Variants in HDLBP observed in about 807,000 individuals in gnomAD.
HDLBP encodes high density lipoprotein binding protein, also known as vigilin.
A neutral mutation model predicts 137.3 loss-of-function variants in HDLBP; 30 were observed. The ratio of observed to expected loss-of-function variants is 0.22; its 90% confidence interval spans 0.16 to 0.30. The LOEUF is 0.30. Ranked by LOEUF, HDLBP falls within the 10% of genes least tolerant of loss-of-function variation. The pLI is 1.00. For missense variants in HDLBP, 1,119 were observed against 1,667.3 expected (o/e 0.67, Z 5.73); for synonymous variants, 606 against 596.0 (o/e 1.02, Z -0.24).
chr2:241,306,674 G>A (rs1575059388), intron 1 of HDLBP, among the ~76,000 whole-genome samples: 2 of 152,010 alleles, frequency 1.3e-5, no homozygotes, highest in African/African-American at 2.4e-5. Context: ...TTGGGAGGCC[G>A]AGGCTGGCAG....
intron 3 of HDLBP, among the ~76,000 whole-genome samples, chr2:241,264,844 G>A (rs1234210292): frequency 3.3e-5 from 5 of 152,032 alleles, no homozygotes; most frequent in African/African-American, 9.7e-5. Flanking sequence ...CTCTGACAGC[G>A]AACCTACCCC....
intron 8 of HDLBP, 79 bp from the exon 9 acceptor site, chr2:241,255,237 G>A (rs2072522258): frequency 1.4e-6 from 2 of 1,459,448 alleles, no homozygotes; most frequent in Non-Finnish European, 1.9e-6. Flanking sequence ...CTCACCTGGG[G>A]CTCAGAGGCA....
At chr2:241,286,366 T>C (rs1260116337) in intron 1 of HDLBP, among the ~76,000 whole-genome samples, 1 of 152,190 alleles carries the variant, frequency 6.6e-6, no homozygotes, top group Non-Finnish European at 1.5e-5. Flanking sequence ...TGCTTCCCAT[T>C]CTCTTCAAAG....
chr2:241,271,033 A>G, intron 1 of HDLBP: 1 of 985,406 alleles, frequency 1.0e-6, no homozygotes, highest in Non-Finnish European at 1.2e-6. Context: ...GCATGGCTGT[A>G]AACGCTCCAC....
chr2:241,259,339 A>C (rs371675988), intron 5 of HDLBP, among the ~76,000 whole-genome samples: 51 of 152,316 alleles, frequency 3.3e-4, no homozygotes, highest in African/African-American at 1.2e-3. Flanking sequence ...CAGGCAGGGG[A>C]GATTTCTCTG....
intron 1 of HDLBP, among the ~76,000 whole-genome samples, chr2:241,297,207 A>G (rs188650623): frequency 1.1e-4 from 17 of 152,320 alleles, no homozygotes; most frequent in Admixed American, 1.1e-3. Context: ...GAAGATGCTC[A>G]TGGTGGGTGG....
chr2:241,282,666 G>A (rs1215686056), intron 1 of HDLBP, among the ~76,000 whole-genome samples: 1 of 152,114 alleles, frequency 6.6e-6, no homozygotes, highest in African/African-American at 2.4e-5. Flanking sequence ...CATTGTCATT[G>A]TATCTGTTAT....
chr2:241,249,831 T>C lies in HDLBP; in HGVS notation c.1512+10A>G. 6.3e-7 allele frequency: 1 copy of C among 1,596,860 alleles called. No homozygotes were observed. Among genetic ancestry groups the C allele is most frequent in the Non-Finnish European group, 8.5e-7 (1 of 1,173,062 alleles). The stretch of plus-strand genomic sequence containing the variant: ...AGTGCCTTTCTAGAGGGCCCAGCCA[T>C]GGCACTTACCATGCGAGATGCAAGC... On this transcript the variant is annotated intron_variant, in intron 12 of 27. Coordinates refer to ENST00000310931, the MANE Select transcript of HDLBP (RefSeq NM_005336.6).
At chr2:241,296,800 T>C (rs1178094995) in intron 1 of HDLBP, among the ~76,000 whole-genome samples, 1 of 152,066 alleles carries the variant, frequency 6.6e-6, no homozygotes, top group African/African-American at 2.4e-5. Flanking sequence ...TAACAAAAAA[T>C]AGAAATATAC....
At chr2:241,300,103 T>G (rs953127982) in intron 1 of HDLBP, among the ~76,000 whole-genome samples, 3 of 151,952 alleles carry the variant, frequency 2.0e-5, no homozygotes, top group Admixed American at 1.3e-4. Flanking sequence ...CATGAGAAAG[T>G]AGATTTTTAA....
intron 4 of HDLBP, among the ~76,000 whole-genome samples, chr2:241,263,734 G>A (rs775761246): frequency 6.6e-5 from 10 of 152,170 alleles, no homozygotes; most frequent in Non-Finnish European, 1.3e-4. Flanking sequence ...TCAGGTAGCA[G>A]AGAGAAGGGC....
intron 1 of HDLBP, among the ~76,000 whole-genome samples, chr2:241,287,318 C>CT (rs2074852347): frequency 6.6e-6 from 1 of 151,956 alleles, no homozygotes; most frequent in Non-Finnish European, 1.5e-5. Flanking sequence ...ACATTGTTGG[C>CT]CAGGCTGGTC....
chr2:241,259,685 G>C (rs2073004495), intron 5 of HDLBP, among the ~76,000 whole-genome samples: 1 of 152,194 alleles, frequency 6.6e-6, no homozygotes, highest in Non-Finnish European at 1.5e-5. Context: ...ATGTTGCCCA[G>C]GCTGGTCTCA....
At chr2:241,236,856 T>G in intron 20 of HDLBP, 87 bp from the exon 21 acceptor site, 1 of 1,364,264 alleles carries the variant, frequency 7.3e-7, no homozygotes, top group Non-Finnish European at 1.0e-6. Flanking sequence ...GTGAGGCACC[T>G]GCTGGGTGCT....
At chr2:241,256,491 C>T in intron 6 of HDLBP, 92 bp from the exon 7 acceptor site, 2 of 1,487,386 alleles carry the variant, frequency 1.3e-6, no homozygotes, top group Non-Finnish European at 1.9e-6. Context: ...AAGCCCTCCA[C>T]CCCCACCACA....
Position 241,228,920 on chromosome 2 carries a change from A to G in HDLBP, c.*681T>C, listed in dbSNP as rs1042208899. ...CTTGCCTCCAGGCTCCACTCACCAG[A>G]CCTCAGGCTGAGGGTCTGGCAGTGG... On this transcript the variant is annotated 3_prime_UTR_variant, in exon 28 of 28. Coordinates refer to ENST00000310931, the MANE Select transcript of HDLBP (RefSeq NM_005336.6). The G allele has an allele frequency of 6.5e-6, 1 of 152,684 alleles. No homozygotes were observed. Among genetic ancestry groups the G allele is most frequent in the African/African-American group, 2.4e-5 (1 of 41,388 alleles). 9.5% of individuals were successfully genotyped at this position (152,684 alleles called of 1,614,324 possible).
intron 24 of HDLBP, among the ~76,000 whole-genome samples, chr2:241,232,271 A>G (rs2069853970): frequency 6.8e-6 from 1 of 147,838 alleles, no homozygotes; most frequent in African/African-American, 2.5e-5. Context: ...TTGCTAAACA[A>G]TGACTTTTTT....
intron 14 of HDLBP, 105 bp downstream of exon 14, chr2:241,247,898 C>A: frequency 1.3e-6 from 1 of 767,168 alleles, no homozygotes; most frequent in African/African-American, 1.7e-5. Context: ...GGCCTATGTG[C>A]TTTCCCCAGA....
intron 5 of HDLBP, among the ~76,000 whole-genome samples, chr2:241,260,203 G>A (rs10933543): frequency 0.32 from 48,165 of 151,608 alleles, 8,364 homozygotes; most frequent in East Asian, 0.51. Context: ...ATGGGGTTTC[G>A]CCATACTGGC....
Sources: gnomAD v4.1 joint callset for allele counts (sites outside exome capture counted in the v4.1 genomes callset) on GRCh38, gnomAD v4.1.1 for gene constraint, MANE v1.5 for transcripts, NCBI Gene and HGNC (gene_info 2026-07-23, HGNC 2026-07-21) for gene names.